NTN1: variants seen among roughly 807,000 people sequenced by gnomAD.
The protein encoded by NTN1 is netrin-1.
Under a neutral mutation model 54.2 loss-of-function variants are expected in NTN1, and 11 were observed. The observed-to-expected ratio is 0.20, with a 90% CI of 0.13 to 0.34. NTN1 has a LOEUF of 0.34. Among genes scored for constraint, NTN1 ranks in the 10% least tolerant of loss-of-function variants. The pLI, the probability that NTN1 is intolerant of heterozygous loss-of-function variation, is 1.00. For synonymous variants in NTN1, 371 were observed against 382.0 expected, an observed-to-expected ratio of 0.97 and a Z score of 0.33; for missense variants, 740 against 893.1, an observed-to-expected ratio of 0.83 and a Z score of 2.18.
intron 6 of NTN1, among the ~76,000 whole-genome samples, chr17:9,226,161 T>TGGGGGGGGGGGG (rs148213778): frequency 7.5e-4 from 89 of 118,040 alleles, no homozygotes; most frequent in Non-Finnish European, 1.2e-3. Flanking sequence ...GGATTTGGGG[T>TGGGGGGGGGGGG]CGGGGGGGGG....
chr17:9,009,048 G>A, the NTN1 span, among the ~76,000 whole-genome samples: 8 of 152,054 alleles, frequency 5.3e-5, no homozygotes, highest in African/African-American at 1.7e-4. Context: ...CTCAAAACAA[G>A]ACAAAACAAA....
intron 3 of NTN1, chr17:9,173,319 AC>A (rs2142309607): frequency 2.0e-5 from 3 of 152,238 alleles, no homozygotes; most frequent in African/African-American, 7.2e-5. Flanking sequence ...GTGCTTGGAC[AC>A]CTCTGTCCCT....
chr17:9,006,441 G>A, the NTN1 span, among the ~76,000 whole-genome samples: 1 of 152,174 alleles, frequency 6.6e-6, no homozygotes, highest in African/African-American at 2.4e-5. Flanking sequence ...TTTGGATGCT[G>A]AGCGAGGACA....
At chr17:9,209,059 C>T (rs1234244893) in intron 5 of NTN1, among the ~76,000 whole-genome samples, 1 of 152,250 alleles carries the variant, frequency 6.6e-6, no homozygotes, top group Admixed American at 6.5e-5. Flanking sequence ...ATGCAGTTGG[C>T]AGCACCTTCT....
At chr17:9,081,396 C>T (rs865794073) in intron 2 of NTN1, among the ~76,000 whole-genome samples, 2 of 152,270 alleles carry the variant, frequency 1.3e-5, no homozygotes, top group Non-Finnish European at 1.5e-5. Flanking sequence ...TAATCTTTGA[C>T]GTCTCAACCA....
Position 9,150,897 on chromosome 17 carries a change from A to G in NTN1, c.1019-11916A>G, listed in dbSNP as rs565107688. ...GGGTGCCCGGCACAGCGGGAGAAAGAACCACAGGGCCTGGGCTGTGCTTTT... is the reference window on the plus strand; with the variant it reads ...GGGTGCCCGGCACAGCGGGAGAAAGGACCACAGGGCCTGGGCTGTGCTTTT... On this transcript the variant is annotated intron_variant, in intron 2 of 6. Transcript: ENST00000173229. 2.0e-5 allele frequency among the ~76,000 whole-genome samples: 3 copies of G among 152,266 alleles called. 1 individual carries two copies. The highest frequency in any genetic ancestry group is 2.0e-4 in the Admixed American group (3 of 15,304).
chr17:9,131,432 C>CTGAATGAA (rs540491936), intron 2 of NTN1, among the ~76,000 whole-genome samples: 1 of 152,086 alleles, frequency 6.6e-6, no homozygotes, highest in Non-Finnish European at 1.5e-5. Context: ...GAAATATTTG[C>CTGAATGAA]TGAATGAATG....
chr17:9,210,702 T>C (rs1292244792), intron 5 of NTN1, among the ~76,000 whole-genome samples: 1 of 150,878 alleles, frequency 6.6e-6, no homozygotes, highest in Non-Finnish European at 1.5e-5. Flanking sequence ...AGCTCAGGAG[T>C]TCAAGACCAA....
At chr17:9,140,568 T>C (rs530699681) in intron 2 of NTN1, among the ~76,000 whole-genome samples, 4 of 152,294 alleles carry the variant, frequency 2.6e-5, no homozygotes, top group Admixed American at 1.3e-4. Flanking sequence ...GTTTGACAGC[T>C]TGTGGGACTC....
At chr17:9,167,593 A>C (rs560352051) in intron 3 of NTN1, among the ~76,000 whole-genome samples, 1 of 152,318 alleles carries the variant, frequency 6.6e-6, no homozygotes, top group African/African-American at 2.4e-5. Flanking sequence ...TGGTTGAATG[A>C]AGGCTAGGAA....
At position 9,211,243 on chromosome 17, in the gene NTN1, C is replaced by A. The variant is rs1267485239; in HGVS notation, c.1412-9925C>A. Among the ~76,000 whole-genome samples the A allele has an allele frequency of 1.3e-5, 2 of 152,194 alleles. No homozygotes were observed. Among genetic ancestry groups the A allele is most frequent in the Non-Finnish European group, 2.9e-5 (2 of 68,038 alleles). ...TTTCTCACACTTTCCTGCCCTGGGG[C>A]CTTTGCAACTGCCGAGTGCTGGGAT... On this transcript the variant is annotated intron_variant, in intron 5 of 6. Transcript: ENST00000173229. The surrounding 1 kb of genome is among the most constrained non-coding windows in gnomAD (Gnocchi z 4.4).
chr17:9,040,107 A>G (rs2091916519), intron 2 of NTN1, among the ~76,000 whole-genome samples: 1 of 152,216 alleles, frequency 6.6e-6, no homozygotes, highest in Non-Finnish European at 1.5e-5. Flanking sequence ...CTATATCTGC[A>G]GTGTATGAGA....
At chr17:9,224,039 A>G (rs192242939) in intron 6 of NTN1, among the ~76,000 whole-genome samples, 1 of 152,360 alleles carries the variant, frequency 6.6e-6, no homozygotes, top group Admixed American at 6.5e-5. Flanking sequence ...GCACTGACCC[A>G]CAGCCTCTGC....
At chr17:9,083,090 C>T (rs761054807) in intron 2 of NTN1, among the ~76,000 whole-genome samples, 8 of 151,760 alleles carry the variant, frequency 5.3e-5, no homozygotes, top group African/African-American at 1.2e-4. Flanking sequence ...GGGGATTGTC[C>T]GTGGGTTTTT....
At chr17:9,150,888 G>A (rs936046314) in intron 2 of NTN1, among the ~76,000 whole-genome samples, 1 of 152,204 alleles carries the variant, frequency 6.6e-6, no homozygotes, top group Non-Finnish European at 1.5e-5. Context: ...CCGGCACAGC[G>A]GGAGAAAGAA....
At position 9,243,473 on chromosome 17, in the gene NTN1, G is replaced by C. The variant is rs1906294816; in HGVS notation, c.*3505G>C. On this transcript the variant is annotated 3_prime_UTR_variant, in exon 7 of 7. Coordinates refer to ENST00000173229, the MANE Select transcript of NTN1 (RefSeq NM_004822.3). ...CAGGAAAGTGAAAGACGCTTAGGCT[G>C]TCAACACTTAAAGGAAGTCCCCTTG... 6.6e-6 allele frequency: 1 copy of C among 152,268 alleles called. No homozygotes were observed. The highest frequency in any genetic ancestry group is 1.5e-5 in the Non-Finnish European group (1 of 68,084). 9.4% of individuals were successfully genotyped at this position (152,268 alleles called of 1,614,324 possible).
chr17:9,158,230 GA>G (rs2092348772), intron 2 of NTN1, among the ~76,000 whole-genome samples: 6 of 152,172 alleles, frequency 3.9e-5, no homozygotes, highest in Non-Finnish European at 8.8e-5. Context: ...AGTTGTTTAG[GA>G]AGAACCTTTT....
intron 3 of NTN1, among the ~76,000 whole-genome samples, chr17:9,163,392 C>T (rs1327759274): frequency 6.6e-6 from 1 of 151,524 alleles, no homozygotes; most frequent in African/African-American, 2.4e-5. Flanking sequence ...CCAGGCTTAC[C>T]GTTGGGACAA....
At chr17:9,070,547 C>T (rs965659178) in intron 2 of NTN1, among the ~76,000 whole-genome samples, 2 of 150,446 alleles carry the variant, frequency 1.3e-5, no homozygotes, top group African/African-American at 5.0e-5. Flanking sequence ...CCCTACTTGT[C>T]GGGTGCTGTT....
Sources: gnomAD v4.1 joint callset for allele counts (sites outside exome capture counted in the v4.1 genomes callset) on GRCh38, gnomAD v4.1.1 for gene constraint, Gnocchi (gnomAD v3.1) non-coding constraint, MANE v1.5 for transcripts, NCBI Gene and HGNC (gene_info 2026-07-23, HGNC 2026-07-21) for gene names.